The following RALGAPA1 variants were observed in gnomAD, a reference collection of about 807,000 sequenced individuals.
The protein encoded by RALGAPA1 is ral GTPase-activating protein subunit alpha-1.
A neutral mutation model predicts 269.6 loss-of-function variants in RALGAPA1; 52 were observed. The ratio of observed to expected loss-of-function variants is 0.19; its 90% CI spans 0.15 to 0.24. RALGAPA1 has a LOEUF of 0.24. Ranked by LOEUF, RALGAPA1 falls within the 10% of genes least tolerant of loss-of-function variation. The pLI is 1.00. For missense variants in RALGAPA1, 1,917 were observed against 3,013.9 expected (o/e 0.64, Z 8.52); for synonymous variants, 817 against 1,008.3 (o/e 0.81, Z 3.60).
intron 27 of RALGAPA1, among the ~76,000 whole-genome samples, chr14:35,664,158 C>T (rs2063754251): frequency 6.6e-6 from 1 of 152,102 alleles, no homozygotes; most frequent in Non-Finnish European, 1.5e-5. Flanking sequence ...ATTTATTTTG[C>T]ACCATCTACT....
chr14:35,667,652 T>C (rs1243693073), intron 26 of RALGAPA1, among the ~76,000 whole-genome samples: 2 of 152,200 alleles, frequency 1.3e-5, no homozygotes, highest in African/African-American at 2.4e-5. Flanking sequence ...GATCACACTT[T>C]GGGTAGCAAA....
intron 35 of RALGAPA1, among the ~76,000 whole-genome samples, chr14:35,617,240 G>A (rs1484332888): frequency 2.6e-5 from 4 of 152,136 alleles, no homozygotes; most frequent in Non-Finnish European, 4.4e-5. Context: ...CCAGCACTTT[G>A]GGAGGCTGAG....
intron 17 of RALGAPA1, among the ~76,000 whole-genome samples, chr14:35,695,788 G>A (rs1595178746): frequency 6.6e-6 from 1 of 152,122 alleles, no homozygotes; most frequent in South Asian, 2.1e-4. Context: ...ATTTGCTTAA[G>A]AACGATGATT....
intron 31 of RALGAPA1, among the ~76,000 whole-genome samples, chr14:35,650,299 C>T (rs1394449873): frequency 3.9e-5 from 6 of 151,930 alleles, no homozygotes; most frequent in South Asian, 4.2e-4. Flanking sequence ...GCACGAGAAC[C>T]GCTTGAACCT....
At position 35,723,197 on chromosome 14, in the gene RALGAPA1, A is replaced by G. The variant is rs769461271; in HGVS notation, c.1934T>C (p.Leu645Ser). ...GGTCAGCGATGACAATACTGACAGT[A>G]AGTCATCCCAAAGTTCTCGGGAGAT... ...VYISRELWDD[L>S]LSVLSSLTYW... The change falls in exon 15 of 42, where the codon TTA (leucine) becomes TCA (serine). Residue 645 changes from leucine to serine, a missense_variant. By Grantham distance (145) the Leu-to-Ser change is moderately radical. Coordinates refer to ENST00000680220, the MANE Select transcript of RALGAPA1 (RefSeq NM_001346249.2). The G allele has an allele frequency of 3.7e-6, 6 of 1,613,696 alleles. No homozygotes were observed. In the Admixed American group the frequency reaches 1.0e-4, roughly 27 times the overall value.
At chr14:35,662,655 A>T (rs2063618301) in intron 27 of RALGAPA1, among the ~76,000 whole-genome samples, 1 of 152,212 alleles carries the variant, frequency 6.6e-6, no homozygotes, top group African/African-American at 2.4e-5. Flanking sequence ...GATAGTATAT[A>T]GTAGGCGAGG....
chr14:35,643,073 G>A (rs898076930), intron 31 of RALGAPA1, among the ~76,000 whole-genome samples: 3 of 151,928 alleles, frequency 2.0e-5, no homozygotes, highest in African/African-American at 7.2e-5. Flanking sequence ...TGAGCAAACT[G>A]TCGCAAGGAC....
At chr14:35,741,495 C>T (rs548165465) in intron 11 of RALGAPA1, among the ~76,000 whole-genome samples, 1 of 152,014 alleles carries the variant, frequency 6.6e-6, no homozygotes, top group African/African-American at 2.4e-5. Flanking sequence ...CACGCTCAGG[C>T]TCATCAAATC....
intron 35 of RALGAPA1, among the ~76,000 whole-genome samples, chr14:35,607,508 T>C (rs1324486662): frequency 6.6e-6 from 1 of 152,174 alleles, no homozygotes; most frequent in Non-Finnish European, 1.5e-5. Flanking sequence ...AGAGTCTCAA[T>C]CTTCCCCATT....
rs147843136 is a variant in RALGAPA1, at chr14:35,786,560, C to T, written c.107-10815G>A. On this transcript the variant is annotated intron_variant, in intron 1 of 41. Transcript: ENST00000680220. ...GGCTGAGGCAGGAGAATGGCGTGAA[C>T]CCGGGAGGCAGAGGTTGCAGTGAGC... Among the ~76,000 whole-genome samples the T allele has an allele frequency of 4.8e-3, 731 of 152,114 alleles. 8 individuals are homozygous for T. Among genetic ancestry groups the T allele is most frequent in the African/African-American group, 0.016 (677 of 41,512 alleles).
intron 16 of RALGAPA1, among the ~76,000 whole-genome samples, chr14:35,701,583 CT>C (rs1283896561): frequency 6.6e-6 from 1 of 152,156 alleles, no homozygotes; most frequent in Non-Finnish European, 1.5e-5. Flanking sequence ...TCCTTGGTCT[CT>C]TTTTCTTCCT....
At chr14:35,732,800 A>G (rs1234268667) in intron 12 of RALGAPA1, among the ~76,000 whole-genome samples, 3 of 152,248 alleles carry the variant, frequency 2.0e-5, no homozygotes, top group Admixed American at 2.0e-4. Context: ...ACACAATAAT[A>G]GTGGGGGACT....
At chr14:35,757,179 T>C (rs1346485269) in intron 6 of RALGAPA1, among the ~76,000 whole-genome samples, 3 of 151,226 alleles carry the variant, frequency 2.0e-5, no homozygotes, top group Admixed American at 6.6e-5. Flanking sequence ...GTGCAATGAA[T>C]GGCACGATCT....
At chr14:35,751,670 A>G (rs112957890) in intron 8 of RALGAPA1, among the ~76,000 whole-genome samples, 28,851 of 151,830 alleles carry the variant, frequency 0.19, 3,560 homozygotes, top group Admixed American at 0.3. Context: ...TGTCCTAGCT[A>G]CTGGGGAGGC....
chr14:35,687,869 T>C (rs1401062581), intron 18 of RALGAPA1, among the ~76,000 whole-genome samples: 2 of 152,192 alleles, frequency 1.3e-5, no homozygotes. Flanking sequence ...TGTTTGGAAA[T>C]GGCTTAAATG....
chr14:35,645,346 G>GGGGTGTGTGTGTGTGTGTGTGTGTGT (rs71445953), intron 31 of RALGAPA1, among the ~76,000 whole-genome samples: 14 of 129,556 alleles, frequency 1.1e-4, no homozygotes, highest in African/African-American at 4.2e-4. Flanking sequence ...TATAGAGATG[G>GGGGTGTGTGTGTGTGTGTGTGTGTGT]GTGTGTGTGT....
chr14:35,552,673 G>T (rs988883560), intron 39 of RALGAPA1, among the ~76,000 whole-genome samples: 6 of 151,290 alleles, frequency 4.0e-5, no homozygotes, highest in African/African-American at 1.2e-4. Flanking sequence ...CATTTGATGA[G>T]GGAGACTTTT....
intron 10 of RALGAPA1, chr14:35,748,364 TTCTC>T (rs1395871372): frequency 8.7e-6 from 3 of 343,124 alleles, no homozygotes; most frequent in African/African-American, 2.2e-5. Context: ...AATCAGTAAT[TTCTC>T]TCTCTCGCTC....
At chr14:35,684,537 T>A (rs1433764572) in intron 20 of RALGAPA1, among the ~76,000 whole-genome samples, 2 of 152,246 alleles carry the variant, frequency 1.3e-5, no homozygotes, top group Non-Finnish European at 2.9e-5. Context: ...CTTAAAAATG[T>A]CATTTCTTTT....
Sources: allele counts gnomAD v4.1 joint callset (sites outside exome capture counted in the v4.1 genomes callset), GRCh38; gene constraint gnomAD v4.1.1; transcripts MANE v1.5; gene names NCBI Gene and HGNC (gene_info 2026-07-23, HGNC 2026-07-21).